The following CELSR3 variants were observed in gnomAD, a reference collection of about 807,000 sequenced individuals.
The protein encoded by CELSR3 is EGF-like protein 1.
CELSR3 carries 73 observed loss-of-function variants against 270.0 expected under a neutral mutation model. That is an observed-to-expected ratio of 0.27 (90% CI 0.22 to 0.33). CELSR3 has a LOEUF of 0.33. CELSR3 is among the 10% of genes least tolerant of loss of function. The pLI, the probability that CELSR3 is intolerant of heterozygous loss-of-function variation, is 1.00. For missense variants in CELSR3, 3,614 were observed against 4,533.8 expected (o/e 0.80, Z 5.83); for synonymous variants, 1,780 against 1,905.4 (o/e 0.93, Z 1.71).
Position 48,646,331 on chromosome 3 carries a change from C to A in CELSR3, c.7296-74G>T. On this transcript the variant is annotated intron_variant, in intron 21 of 34. Coordinates refer to ENST00000164024, the MANE Select transcript of CELSR3 (RefSeq NM_001407.3). This position sits in a 1 kb window ranked among gnomAD's most constrained non-coding sequence, Gnocchi z 4.8. Reference sequence around the variant, plus strand: ...CAGCCTGCTTGCCTCACCCCGTCTTCATGCCACTCGCCAGGGCTGACCCAG... The same window carrying A: ...CAGCCTGCTTGCCTCACCCCGTCTTAATGCCACTCGCCAGGGCTGACCCAG... The A allele has an allele frequency of 6.8e-7, 1 of 1,478,386 alleles. No homozygotes were observed. Among genetic ancestry groups the A allele is most frequent in the South Asian group, 1.3e-5 (1 of 76,690 alleles). The allele number at this position is 1,478,386 out of a possible 1,614,324, so 91.6% of individuals were successfully genotyped here. A position where few individuals can be genotyped will look rare whatever the true frequency, so the allele number is the denominator to read the frequency against.
rs1003203048 is a variant in CELSR3 at position 48,662,129 on chromosome 3, G to A, written c.506C>T (p.Ser169Leu). The change falls in exon 1 of 35, where the codon TCG (serine) becomes TTG (leucine). Residue 169 changes from serine to leucine, a missense_variant. Ser to Leu is a moderately radical substitution (Grantham distance 145). Transcript: ENST00000164024. The surrounding 1 kb of genome is among the most constrained non-coding windows in gnomAD (Gnocchi z 7.1). The stretch of plus-strand genomic sequence containing the variant: ...AATCAAAAAGTCTGAAGGGAGGGGC[G>A]AGCTGTTCCCCGAGCCCGGGACCCC... ...SSGVPGSGNS[S>L]PLPSDFLIRH... The A allele has an allele frequency of 3.7e-6, 6 of 1,613,368 alleles. No homozygotes were observed. Among genetic ancestry groups the A allele is most frequent in the Non-Finnish European group, 5.1e-6 (6 of 1,179,798 alleles).
At position 48,655,533 on chromosome 3, in the gene CELSR3, A is replaced by C. The variant is rs1237732020; in HGVS notation, c.4742-139T>G. On this transcript the variant is annotated intron_variant, in intron 4 of 34. Coordinates refer to ENST00000164024, the MANE Select transcript of CELSR3 (RefSeq NM_001407.3). This position sits in a 1 kb window ranked among gnomAD's most constrained non-coding sequence, Gnocchi z 5.8. ...CACTGGTGACCACAATGGCTGGCTC[A>C]GAGTGCCTTTGAACAGACAGGAGAA... 1.0e-6 allele frequency: 1 copy of C among 964,956 alleles called. No individual in the cohort carries two copies. Among genetic ancestry groups the C allele is most frequent in the African/African-American group, 1.6e-5 (1 of 62,246 alleles). 59.8% of individuals were successfully genotyped at this position (964,956 alleles called of 1,614,324 possible).
chr3:48,651,167 A>C lies in CELSR3; in HGVS notation c.6187-92T>G. 6.8e-7 allele frequency: 1 copy of C among 1,461,408 alleles called. No individual in the cohort carries two copies. Among genetic ancestry groups the C allele is most frequent in the Non-Finnish European group, 9.3e-7 (1 of 1,075,428 alleles). The allele number at this position is 1,461,408 out of a possible 1,614,324, so 90.5% of individuals were successfully genotyped here. ...ATAAAGGGTCAAGAGAACAGTGCTC[A>C]TGGGCCAGAGGACACCTGGGTCATG... On this transcript the variant is annotated intron_variant, in intron 14 of 34. Coordinates refer to ENST00000164024, the MANE Select transcript of CELSR3 (RefSeq NM_001407.3). The surrounding 1 kb of genome is among the most constrained non-coding windows in gnomAD (Gnocchi z 7.4).
Position 48,655,760 on chromosome 3 carries a change from G to C in CELSR3, c.4717C>G (p.Gln1573Glu). Residue 1573 changes from glutamine (Q) to glutamate (E), a missense_variant, in exon 4 of 35, where the codon CAA becomes GAA. This residue lies in a region of CELSR3 where 1,331 missense variants were observed against 1,933.7 expected (regional missense o/e 0.69). Transcript: ENST00000164024. This position sits in a 1 kb window ranked among gnomAD's most constrained non-coding sequence, Gnocchi z 5.8. ...DFLALELVAG[Q>E]VRLTYSTGES... ...CCCGTGGAATATGTGAGCCGCACTT[G>C]GCCAGCCACGAGTTCCAGGGCCAGG... is the stretch of plus-strand genomic sequence containing the variant. 1 of 1,613,484 alleles carries C rather than the reference G, an allele frequency of 6.2e-7. No individual in the cohort carries two copies. Among genetic ancestry groups the C allele is most frequent in the Non-Finnish European group, 8.5e-7 (1 of 1,179,796 alleles).
rs2047049797 is a variant in CELSR3 at position 48,643,573 on chromosome 3, G to C, written c.8270C>G (p.Ala2757Gly). ...AGTCACCTGGAGGCCGCAGAGTCCA[G>C]CATGGAGGTAGTGGAAGGCTAGGAT... The part of the protein sequence containing the change: ...HSILAFHYLH[A>G]GLCGLQGLAV... Residue 2757 changes from alanine (A) to glycine (G), a missense_variant, in exon 28 of 35, where the codon GCT becomes GGT. Ala to Gly is a moderately conservative substitution (Grantham distance 60). Coordinates refer to ENST00000164024, the MANE Select transcript of CELSR3 (RefSeq NM_001407.3). 1.9e-6 allele frequency: 3 copies of C among 1,550,894 alleles called. No individual in the cohort carries two copies. The highest frequency in any genetic ancestry group is 2.6e-6 in the Non-Finnish European group (3 of 1,146,800).
intron 20 of CELSR3, among the ~76,000 whole-genome samples, chr3:48,647,620 A>G (rs1575541291): frequency 2.4e-4 from 3 of 12,384 alleles, no homozygotes; most frequent in Non-Finnish European, 2.9e-4. Flanking sequence ...GGTGGAGGGG[A>G]GATGTGGGAG....
In CELSR3 at chr3:48,641,533, C is replaced by G. The variant is rs757095985; in HGVS notation, c.8825-9G>C. 14 of 1,604,302 alleles carry G rather than the reference C, an allele frequency of 8.7e-6. No individual in the cohort carries two copies. The Admixed American group carries it at 2.3e-4, about 27-fold the overall frequency. ...GTCATTGCCATCCACATCTGTGGAGCCAGGTCAGGTTACAGGAGCTTCTGG... is the reference window on the plus strand; with the variant it reads ...GTCATTGCCATCCACATCTGTGGAGGCAGGTCAGGTTACAGGAGCTTCTGG... On this transcript the variant is annotated splice_polypyrimidine_tract_variant and intron_variant, in intron 32 of 34. Transcript: ENST00000164024. The surrounding 1 kb of genome is among the most constrained non-coding windows in gnomAD (Gnocchi z 4.8).
At position 48,642,089 on chromosome 3, in the gene CELSR3, T is replaced by A; in HGVS notation, c.8666-80A>T. On this transcript the variant is annotated intron_variant, in intron 31 of 34. Coordinates refer to ENST00000164024, the MANE Select transcript of CELSR3 (RefSeq NM_001407.3). This position sits in a 1 kb window ranked among gnomAD's most constrained non-coding sequence, Gnocchi z 6.1. ...GAATTTGGAGTTGAGGGTCTAGAGG[T>A]GGGTACGGCAAGGGGGTTAGGGTTG... is the stretch of plus-strand genomic sequence containing the variant. 7.3e-7 allele frequency: 1 copy of A among 1,373,348 alleles called. No individual in the cohort carries two copies. The highest frequency in any genetic ancestry group is 9.8e-7 in the Non-Finnish European group (1 of 1,021,412). 85.1% of individuals were successfully genotyped at this position (1,373,348 alleles called of 1,614,324 possible).
Position 48,650,433 on chromosome 3 carries a change from A to AGGGGGGGGGGGGGGGGGGGGGGG in CELSR3, c.6472+46_6472+47insCCCCCCCCCCCCCCCCCCCCCCC. On this transcript the variant is annotated intron_variant, in intron 16 of 34. Coordinates refer to ENST00000164024, the MANE Select transcript of CELSR3 (RefSeq NM_001407.3). The surrounding 1 kb of genome is among the most constrained non-coding windows in gnomAD (Gnocchi z 5.1). ...GACATGGCTCTAGCAGTCAGAGTAC[A>AGGGGGGGGGGGGGGGGGGGGGGG]GGCCCACCCCCACCCTCAGTGATGT... 1.2e-5 allele frequency: 11 copies of AGGGGGGGGGGGGGGGGGGGGGGG among 927,808 alleles called. No individual in the cohort carries two copies. The highest frequency in any genetic ancestry group is 2.0e-5 in the Admixed American group (1 of 49,590). The allele number at this position is 927,808 out of a possible 1,614,324, so 57.5% of individuals were successfully genotyped here.
In CELSR3 at chr3:48,653,798, T is replaced by C. The variant is rs368072971; in HGVS notation, c.5279-10A>G. On this transcript the variant is annotated splice_polypyrimidine_tract_variant and intron_variant, in intron 8 of 34. Coordinates refer to ENST00000164024, the MANE Select transcript of CELSR3 (RefSeq NM_001407.3). This position sits in a 1 kb window ranked among gnomAD's most constrained non-coding sequence, Gnocchi z 6.5. ...TGGGGATGGGCCATAGCTGAGTGGATAAGAGAAACAGGGTTACAGCCCCTG... is the reference window on the plus strand; with the variant it reads ...TGGGGATGGGCCATAGCTGAGTGGACAAGAGAAACAGGGTTACAGCCCCTG... 1.9e-6 allele frequency: 3 copies of C among 1,613,694 alleles called. No homozygotes were observed. Among genetic ancestry groups the C allele is most frequent in the Non-Finnish European group, 1.7e-6 (2 of 1,179,698 alleles).
In CELSR3 at chr3:48,656,598, C is replaced by T. The variant is rs2077023830; in HGVS notation, c.4399+100G>A. Reference sequence around the variant, plus strand: ...CTGGCCTAAGCGCGTCCATACCAGGCCGTGGCCTCAGAAGTGACTCCCAGT... The same window carrying T: ...CTGGCCTAAGCGCGTCCATACCAGGTCGTGGCCTCAGAAGTGACTCCCAGT... On this transcript the variant is annotated intron_variant, in intron 2 of 34. Coordinates refer to ENST00000164024, the MANE Select transcript of CELSR3 (RefSeq NM_001407.3). 3.6e-6 allele frequency: 5 copies of T among 1,383,144 alleles called. No homozygotes were observed. In the South Asian group the frequency reaches 7.7e-5, roughly 21 times the overall value. The allele number at this position is 1,383,144 out of a possible 1,614,324, so 85.7% of individuals were successfully genotyped here.
intron 16 of CELSR3, among the ~76,000 whole-genome samples, chr3:48,649,418 C>T (rs943955811): frequency 9.2e-5 from 14 of 152,240 alleles, no homozygotes; most frequent in Admixed American, 2.6e-4. Context: ...GGGCTGTAGA[C>T]CATTCTCAAC....
Position 48,642,077 on chromosome 3 carries a change from A to G in CELSR3, c.8666-68T>C, listed in dbSNP as rs928571435. 5 of 1,435,656 alleles carry G rather than the reference A, an allele frequency of 3.5e-6. No homozygotes were observed. In the Admixed American group the frequency reaches 1.3e-4, roughly 36 times the overall value. The allele number at this position is 1,435,656 out of a possible 1,614,324, so 88.9% of individuals were successfully genotyped here. On this transcript the variant is annotated intron_variant, in intron 31 of 34. Coordinates refer to ENST00000164024, the MANE Select transcript of CELSR3 (RefSeq NM_001407.3). The surrounding 1 kb of genome is among the most constrained non-coding windows in gnomAD (Gnocchi z 6.1). ...TTGGAGATAAGGGAATTTGGAGTTG[A>G]GGGTCTAGAGGTGGGTACGGCAAGG...
At position 48,651,665 on chromosome 3, in the gene CELSR3, G is replaced by T. The variant is rs147274111; in HGVS notation, c.5977C>A (p.Gln1993Lys). Residue 1993 changes from glutamine to lysine, a missense_variant, in exon 13 of 35, where the codon CAG becomes AAG. Gln to Lys is a moderately conservative substitution (Grantham distance 53). This residue lies in a region of CELSR3 where 1,331 missense variants were observed against 1,933.7 expected (regional missense o/e 0.69). Transcript: ENST00000164024. The surrounding 1 kb of genome is among the most constrained non-coding windows in gnomAD (Gnocchi z 7.4). Reference protein sequence around the residue: ...DACLLNPCQNQGSCRHLPGAP... With the variant: ...DACLLNPCQNKGSCRHLPGAP... The stretch of plus-strand genomic sequence containing the variant: ...CCTGGCAGGTGCCGGCATGATCCCT[G>T]GTTCTGACAGGGGTTCAGGAGGCAG... The T allele has an allele frequency of 4.5e-5, 71 of 1,584,798 alleles. No homozygotes were observed. The highest frequency in any genetic ancestry group is 5.7e-5 in the Non-Finnish European group (66 of 1,166,614).
At chr3:48,649,324 G>A in intron 16 of CELSR3, 109 bp from the exon 17 acceptor site, 1 of 928,434 alleles carries the variant, frequency 1.1e-6, no homozygotes, top group African/African-American at 1.6e-5. Flanking sequence ...AGAAGTCAGA[G>A]TCATGAGCAT....
At position 48,652,259 on chromosome 3, in the gene CELSR3, T is replaced by G. The variant is rs2047144089; in HGVS notation, c.5751+178A>C. Among the ~76,000 whole-genome samples the G allele has an allele frequency of 6.6e-6, 1 of 152,102 alleles. No homozygotes were observed. The highest frequency in any genetic ancestry group is 1.9e-4 in the East Asian group (1 of 5,198). On this transcript the variant is annotated intron_variant, in intron 11 of 34. Coordinates refer to ENST00000164024, the MANE Select transcript of CELSR3 (RefSeq NM_001407.3). The surrounding 1 kb of genome is among the most constrained non-coding windows in gnomAD (Gnocchi z 4.3). ...ACAGATTCCTAAAGGCCCTTGATAA[T>G]CCAAGCTAGACTCCCACCTCCAATG...
chr3:48,650,703 G>A lies in CELSR3; in HGVS notation c.6371-122C>T, dbSNP rs1034032193. ...CCCGCCACTCCTGCTGGCTTCTCAG[G>A]AGCTGACCTGTCAGATTCTGTGACA... is the stretch of plus-strand genomic sequence containing the variant. On this transcript the variant is annotated intron_variant, in intron 15 of 34. Coordinates refer to ENST00000164024, the MANE Select transcript of CELSR3 (RefSeq NM_001407.3). This position sits in a 1 kb window ranked among gnomAD's most constrained non-coding sequence, Gnocchi z 5.1. 1.0e-4 allele frequency: 108 copies of A among 1,040,158 alleles called. 1 individual carries two copies. The highest frequency in any genetic ancestry group is 1.0e-3 in the South Asian group (63 of 63,210). The allele number at this position is 1,040,158 out of a possible 1,614,324, so 64.4% of individuals were successfully genotyped here. A position where few individuals can be genotyped will look rare whatever the true frequency, so the allele number is the denominator to read the frequency against.
chr3:48,640,830 C>A lies in CELSR3; in HGVS notation c.9026-271G>T. On this transcript the variant is annotated intron_variant, in intron 33 of 34. Transcript: ENST00000164024. The surrounding 1 kb of genome is among the most constrained non-coding windows in gnomAD (Gnocchi z 7.5). ...TGGTGCAGGGGATGGGGCAAACTCC[C>A]TGAGGTCAGAAGAGGGGCAGCCCTC... is the stretch of plus-strand genomic sequence containing the variant. The A allele has an allele frequency of 1.9e-6, 1 of 533,312 alleles. No individual in the cohort carries two copies. Among genetic ancestry groups the A allele is most frequent in the Non-Finnish European group, 3.3e-6 (1 of 301,962 alleles). 33.0% of individuals were successfully genotyped at this position (533,312 alleles called of 1,614,324 possible).
chr3:48,661,794 G>A lies in CELSR3; in HGVS notation c.841C>T (p.Leu281Phe), dbSNP rs778729046. 3 of 1,607,084 alleles carry A rather than the reference G, an allele frequency of 1.9e-6. No individual in the cohort carries two copies. Among genetic ancestry groups the A allele is most frequent in the Non-Finnish European group, 2.5e-6 (3 of 1,178,462 alleles). ...TGCGGGAGGAAGCGGCAGCGGAAGA[G>A]ACCCCGGGAGCGCATGCGCTTGGGC... ...PAPKRMRSRG[L>F]FRCRFLPQRP... Residue 281 changes from leucine to phenylalanine, a missense_variant, in exon 1 of 35, where the codon CTC (leucine) becomes TTC (phenylalanine). Leu to Phe is a conservative substitution (Grantham distance 22). Around this residue, in one of 7 missense-constraint regions of CELSR3, gnomAD observed 470 missense variants for 469.7 expected, o/e 1.00. Transcript: ENST00000164024.
Sources: allele counts gnomAD v4.1 joint callset (sites outside exome capture counted in the v4.1 genomes callset), GRCh38; gene constraint gnomAD v4.1.1; regional missense constraint gnomAD v4.1.1; non-coding constraint Gnocchi (gnomAD v3.1); transcripts MANE v1.5; gene names NCBI Gene and HGNC (gene_info 2026-07-23, HGNC 2026-07-21).